The following KIAA0232 variants were observed in gnomAD, a reference collection of about 807,000 sequenced individuals.
KIAA0232 encodes the protein uncharacterized protein KIAA0232.
In KIAA0232, 27 loss-of-function variants were observed where a neutral mutation model predicts 122.0. The observed-to-expected ratio is 0.22, with a 90% CI of 0.16 to 0.31. The LOEUF is 0.31. Among genes scored for constraint, KIAA0232 ranks in the 10% least tolerant of loss-of-function variants. The pLI is 1.00. For synonymous variants in KIAA0232, 613 were observed against 587.6 expected (o/e 1.04, Z -0.63); for missense variants, 1,551 against 1,634.2 (o/e 0.95, Z 0.88).
chr4:6,874,969 C>T (rs1023462941), intron 8 of KIAA0232, among the ~76,000 whole-genome samples: 11 of 152,206 alleles, frequency 7.2e-5, no homozygotes, highest in African/African-American at 2.7e-4. Flanking sequence ...ATGGGCCTGC[C>T]TGCCTCTGAG....
At chr4:6,790,073 C>CTA (rs1282441620) in intron 1 of KIAA0232, among the ~76,000 whole-genome samples, 1 of 152,094 alleles carries the variant, frequency 6.6e-6, no homozygotes, top group Non-Finnish European at 1.5e-5. Context: ...AAAGTTTACA[C>CTA]TATACAGTAT....
At chr4:6,851,327 G>C (rs890121231) in intron 4 of KIAA0232, among the ~76,000 whole-genome samples, 7 of 152,120 alleles carry the variant, frequency 4.6e-5, no homozygotes, top group Non-Finnish European at 7.4e-5. Flanking sequence ...ATATCCTTCA[G>C]GAAGTTTACT....
intron 4 of KIAA0232, among the ~76,000 whole-genome samples, chr4:6,848,417 A>AAT (rs912236920): frequency 2.0e-5 from 3 of 152,296 alleles, no homozygotes; most frequent in African/African-American, 7.2e-5. Flanking sequence ...TTTGGAAAAA[A>AAT]ATGGATGATT....
At chr4:6,849,514 G>A (rs1020745498) in intron 4 of KIAA0232, among the ~76,000 whole-genome samples, 1 of 152,226 alleles carries the variant, frequency 6.6e-6, no homozygotes, top group Admixed American at 6.5e-5. Context: ...TACCTGGGAG[G>A]CTGAGACAGG....
rs1453921511 is a variant in KIAA0232, at chr4:6,862,852, G to C, written c.2470G>C (p.Val824Leu). 1 of 1,614,196 alleles carries C rather than the reference G, an allele frequency of 6.2e-7. No homozygotes were observed. The highest frequency in any genetic ancestry group is 8.5e-7 in the Non-Finnish European group (1 of 1,180,036). Residue 824 changes from valine (V) to leucine (L), a missense_variant, in exon 7 of 10, where the codon GTT (valine) becomes CTT (leucine). Physicochemically the swap from Val to Leu is conservative, Grantham distance 32 (BLOSUM62 1). This residue lies in a region of KIAA0232 where 1,108 missense variants were observed against 1,154.8 expected (regional missense o/e 0.96). Coordinates refer to ENST00000307659, the MANE Select transcript of KIAA0232 (RefSeq NM_014743.3). ...SPHGDGYSSGVIKDIWTKMAD... is the reference protein window; with the variant it reads ...SPHGDGYSSGLIKDIWTKMAD... Reference sequence around the variant, plus strand: ...ACATGGAGATGGCTACAGCTCAGGGGTTATTAAAGACATTTGGACAAAGAT... The same window carrying C: ...ACATGGAGATGGCTACAGCTCAGGGCTTATTAAAGACATTTGGACAAAGAT...
chr4:6,844,183 G>A (rs765394600), intron 4 of KIAA0232, among the ~76,000 whole-genome samples: 10 of 151,654 alleles, frequency 6.6e-5, no homozygotes, highest in South Asian at 2.1e-4. Flanking sequence ...CTCGTGATCC[G>A]TCTGCCTCAG....
rs1482043301 is a variant in KIAA0232 at position 6,871,686 on chromosome 4, A to AG, written c.3910+6dup. 1 of 1,524,624 alleles carries AG rather than the reference A, an allele frequency of 6.6e-7. No homozygotes were observed. The highest frequency in any genetic ancestry group is 9.0e-7 in the Non-Finnish European group (1 of 1,105,294). The allele number at this position is 1,524,624 out of a possible 1,614,324, so 94.4% of individuals were successfully genotyped here. ...TTTCCTGCATCAGAGTGTGAAGGTA[A>AG]GGAGACCTTTGTTAGTTCATTTATT... On this transcript the variant is annotated splice_donor_region_variant and intron_variant, in intron 8 of 9. Transcript: ENST00000307659.
At chr4:6,880,636 T>G (rs1722021999) in intron 9 of KIAA0232, 151 bp from the exon 10 acceptor site, 1 of 498,850 alleles carries the variant, frequency 2.0e-6, no homozygotes, top group South Asian at 6.0e-5. Flanking sequence ...GAGAGGCGGT[T>G]TTGCTCTGAA....
chr4:6,783,529 C>T (rs1716458722), intron 1 of KIAA0232, among the ~76,000 whole-genome samples: 1 of 152,160 alleles, frequency 6.6e-6, no homozygotes, highest in Non-Finnish European at 1.5e-5. Flanking sequence ...AGGCCGGCAG[C>T]CTGGGCCGCT....
At chr4:6,876,937 G>A (rs1419160419) in intron 9 of KIAA0232, among the ~76,000 whole-genome samples, 180 bp downstream of exon 9, 1 of 152,052 alleles carries the variant, frequency 6.6e-6, no homozygotes, top group Non-Finnish European at 1.5e-5. Flanking sequence ...ATTCTCCCCC[G>A]CTTCCAAACC....
At chr4:6,790,595 G>C (rs1169594260) in intron 1 of KIAA0232, among the ~76,000 whole-genome samples, 1 of 151,824 alleles carries the variant, frequency 6.6e-6, no homozygotes, top group Non-Finnish European at 1.5e-5. Flanking sequence ...ATGTTGCCCA[G>C]GCTGATATCA....
At chr4:6,797,280 C>T (rs1331881721) in intron 1 of KIAA0232, among the ~76,000 whole-genome samples, 1 of 152,188 alleles carries the variant, frequency 6.6e-6, no homozygotes, top group Non-Finnish European at 1.5e-5. Context: ...AGGTAGCACC[C>T]TGCATTTTGC....
rs201276724 is a variant in KIAA0232 at position 6,790,243 on chromosome 4, CTG to C, written c.-354+7404_-354+7405del. ...ACCTGTTGCCAGGCTTTCTCCATAT[CTG>C]TCTCTTCCTCAGTGTTGCCCCTGGT... On this transcript the variant is annotated intron_variant, in intron 1 of 9. Coordinates refer to ENST00000307659, the MANE Select transcript of KIAA0232 (RefSeq NM_014743.3). 2.2e-4 allele frequency among the ~76,000 whole-genome samples: 33 copies of C among 152,194 alleles called. 1 individual carries two copies. In the East Asian group the frequency reaches 6.4e-3, roughly 29 times the overall value.
intron 1 of KIAA0232, among the ~76,000 whole-genome samples, chr4:6,792,776 G>A (rs550803276): frequency 4.7e-4 from 70 of 147,478 alleles, no homozygotes; most frequent in Admixed American, 9.7e-4. Context: ...TGCAAGCTCC[G>A]CCTCCTGGGT....
chr4:6,802,250 G>A (rs1717415263), intron 1 of KIAA0232, among the ~76,000 whole-genome samples: 1 of 152,162 alleles, frequency 6.6e-6, no homozygotes, highest in African/African-American at 2.4e-5. Flanking sequence ...TGGGTAGCCA[G>A]GCCTGTACGC....
intron 1 of KIAA0232, among the ~76,000 whole-genome samples, chr4:6,791,659 T>C (rs891476151): frequency 1.2e-4 from 18 of 152,122 alleles, no homozygotes; most frequent in Non-Finnish European, 2.2e-4. Flanking sequence ...GAACAATAAG[T>C]CTCTTTCTTC....
intron 2 of KIAA0232, among the ~76,000 whole-genome samples, chr4:6,813,012 G>A (rs1037971376): frequency 1.3e-5 from 2 of 152,112 alleles, no homozygotes; most frequent in African/African-American, 4.8e-5. Context: ...TGCTGTACTT[G>A]AACACTAAAG....
intron 2 of KIAA0232, among the ~76,000 whole-genome samples, chr4:6,820,546 A>G (rs1299021067): frequency 6.6e-6 from 1 of 152,158 alleles, no homozygotes; most frequent in African/African-American, 2.4e-5. Context: ...CAAATGATAA[A>G]CCATTTTCAT....
chr4:6,793,454 TA>T (rs1716994431), intron 1 of KIAA0232, among the ~76,000 whole-genome samples: 1 of 152,234 alleles, frequency 6.6e-6, no homozygotes, highest in African/African-American at 2.4e-5. Context: ...AAAGTATGCT[TA>T]ACTTGAAGCT....
Sources: allele counts gnomAD v4.1 joint callset (sites outside exome capture counted in the v4.1 genomes callset), GRCh38; gene constraint gnomAD v4.1.1; regional missense constraint gnomAD v4.1.1; transcripts MANE v1.5; gene names NCBI Gene and HGNC (gene_info 2026-07-23, HGNC 2026-07-21).